Variants in GPC6 observed in about 807,000 individuals in gnomAD.
GPC6 encodes glypican 6.
A neutral mutation model predicts 55.2 loss-of-function variants in GPC6; 14 were observed. That is an observed-to-expected ratio of 0.25 (90% CI 0.17 to 0.40). The LOEUF (loss-of-function observed/expected upper bound fraction) is 0.40, where lower values mean the gene tolerates loss of function less well. Ranked by LOEUF, GPC6 falls within the 10% of genes least tolerant of loss-of-function variation. GPC6 has a pLI of 1.00. For missense variants in GPC6, 641 were observed against 708.5 expected, an observed-to-expected ratio of 0.90 and a Z score of 1.08; for synonymous variants, 278 against 259.6, an observed-to-expected ratio of 1.07 and a Z score of -0.68.
At chr13:94,293,931 G>C (rs139241085) in intron 5 of GPC6, among the ~76,000 whole-genome samples, 20 of 152,278 alleles carry the variant, frequency 1.3e-4, no homozygotes, top group Middle Eastern at 3.4e-3. Flanking sequence ...ACTATATATA[G>C]GGAACCTATT....
At chr13:93,416,858 G>A (rs760315722) in intron 1 of GPC6, among the ~76,000 whole-genome samples, 1 of 152,062 alleles carries the variant, frequency 6.6e-6, no homozygotes, top group Non-Finnish European at 1.5e-5. Flanking sequence ...GATGTCCAGA[G>A]GCTTGACAGC....
At position 94,212,444 on chromosome 13, in the gene GPC6, T is replaced by G. The variant is rs375723882; in HGVS notation, c.878-73905T>G. On this transcript the variant is annotated intron_variant, in intron 4 of 8. Coordinates refer to ENST00000377047, the MANE Select transcript of GPC6 (RefSeq NM_005708.5). ...ATTACATACCACATACAAATATTAT[T>G]ATCATCATTGTTAATTATGTGAAGT... Among the ~76,000 whole-genome samples the G allele has an allele frequency of 9.2e-4, 140 of 152,304 alleles. 1 individual carries two copies. The South Asian group carries it at 0.028, about 31-fold the overall frequency.
chr13:93,644,881 C>T lies in GPC6; in HGVS notation c.319+99460C>T, dbSNP rs569080394. On this transcript the variant is annotated intron_variant, in intron 2 of 8. Coordinates refer to ENST00000377047, the MANE Select transcript of GPC6 (RefSeq NM_005708.5). The stretch of plus-strand genomic sequence containing the variant: ...AATTAAGGAGTCTGGTGCAAAACTT[C>T]GCCAAATGCAGCCATATTCAATGAA... Among the ~76,000 whole-genome samples, 6 of 152,184 alleles carry T rather than the reference C, an allele frequency of 3.9e-5. No individual in the cohort carries two copies. In the East Asian group the frequency reaches 7.7e-4, roughly 20 times the overall value.
chr13:94,172,654 T>C (rs1183293461), intron 4 of GPC6, among the ~76,000 whole-genome samples: 1 of 152,238 alleles, frequency 6.6e-6, no homozygotes, highest in Non-Finnish European at 1.5e-5. Flanking sequence ...AATATTGCTC[T>C]CTGGCTCTTT....
intron 2 of GPC6, among the ~76,000 whole-genome samples, chr13:93,576,565 C>G (rs576025399): frequency 6.6e-6 from 1 of 150,814 alleles, no homozygotes; most frequent in South Asian, 2.1e-4. Context: ...TGTCTTTTCT[C>G]TATCTTGGTT....
chr13:93,630,625 T>G (rs1879386859), intron 2 of GPC6, among the ~76,000 whole-genome samples: 2 of 152,172 alleles, frequency 1.3e-5, no homozygotes. Context: ...TATTAAAAAT[T>G]GACGCTTTTT....
intron 7 of GPC6, among the ~76,000 whole-genome samples, chr13:94,389,212 T>A (rs987578229): frequency 6.6e-6 from 1 of 151,874 alleles, no homozygotes; most frequent in African/African-American, 2.4e-5. Context: ...GGGAAAAAAA[T>A]TAAAGACTCA....
chr13:94,180,989 G>A (rs1888974315), intron 4 of GPC6, among the ~76,000 whole-genome samples: 1 of 152,112 alleles, frequency 6.6e-6, no homozygotes, highest in Non-Finnish European at 1.5e-5. Flanking sequence ...GCTTGCTAAA[G>A]CACAAATTGC....
intron 1 of GPC6, among the ~76,000 whole-genome samples, chr13:93,543,311 T>G (rs1346081843): frequency 1.3e-5 from 2 of 152,214 alleles, no homozygotes; most frequent in Non-Finnish European, 2.9e-5. Context: ...GTTCTGTTTA[T>G]ATGCTGGATT....
intron 3 of GPC6, among the ~76,000 whole-genome samples, chr13:93,872,092 T>G (rs1889148970): frequency 6.6e-6 from 1 of 152,114 alleles, no homozygotes; most frequent in Admixed American, 6.6e-5. Flanking sequence ...TTTTCAAATC[T>G]CTGACATTAT....
rs557369314 is a variant in GPC6 at position 93,625,565 on chromosome 13, C to T, written c.319+80144C>T. 1.5e-4 allele frequency among the ~76,000 whole-genome samples: 23 copies of T among 152,292 alleles called. 1 individual carries two copies. In the South Asian group the frequency reaches 4.8e-3, roughly 32 times the overall value. Reference sequence around the variant, plus strand: ...TAGGCTTGGAGCCTTCTGCGCAGGACAGGGCTCCCATCCTGTCCTTGAAGA... The same window carrying T: ...TAGGCTTGGAGCCTTCTGCGCAGGATAGGGCTCCCATCCTGTCCTTGAAGA... On this transcript the variant is annotated intron_variant, in intron 2 of 8. Transcript: ENST00000377047.
chr13:93,225,599 C>A (rs762660313), upstream of GPC6, among the ~76,000 whole-genome samples: 1 of 151,326 alleles, frequency 6.6e-6, no homozygotes, highest in African/African-American at 2.4e-5. Flanking sequence ...ATTTTTAAAG[C>A]GTTTGGAAAG....
At position 93,723,858 on chromosome 13, in the gene GPC6, A is replaced by G. The variant is rs1006730962; in HGVS notation, c.320-106296A>G. On this transcript the variant is annotated intron_variant, in intron 2 of 8. Coordinates refer to ENST00000377047, the MANE Select transcript of GPC6 (RefSeq NM_005708.5). Reference sequence around the variant, plus strand: ...TGTGTATTTAGTTCAAAAAAATCCTATCAACCTAGTTGTATGTGTTGATAA... The same window carrying G: ...TGTGTATTTAGTTCAAAAAAATCCTGTCAACCTAGTTGTATGTGTTGATAA... 3.3e-5 allele frequency among the ~76,000 whole-genome samples: 5 copies of G among 152,078 alleles called. No individual in the cohort carries two copies. The East Asian group carries it at 5.8e-4, about 18-fold the overall frequency.
chr13:94,175,236 G>A (rs1333033294), intron 4 of GPC6, among the ~76,000 whole-genome samples: 1 of 152,102 alleles, frequency 6.6e-6, no homozygotes, highest in Non-Finnish European at 1.5e-5. Context: ...TAAAGGGTCA[G>A]GTGGTAAATA....
chr13:94,323,592 G>A (rs1403689381), intron 6 of GPC6, among the ~76,000 whole-genome samples: 1 of 152,138 alleles, frequency 6.6e-6, no homozygotes, highest in East Asian at 1.9e-4. Flanking sequence ...GGAAAGGGTA[G>A]GAGGGTGGGA....
intron 6 of GPC6, among the ~76,000 whole-genome samples, chr13:94,315,904 C>T (rs1334134453): frequency 3.3e-5 from 5 of 152,154 alleles, no homozygotes; most frequent in East Asian, 3.9e-4. Context: ...GCTTTGAATG[C>T]GGCCCAACAC....
intron 4 of GPC6, among the ~76,000 whole-genome samples, chr13:94,227,931 G>C (rs1294984225): frequency 6.6e-6 from 1 of 152,136 alleles, no homozygotes; most frequent in African/African-American, 2.4e-5. Flanking sequence ...TTCACTCTCA[G>C]TTCCTCAGTA....
chr13:94,353,224 A>G (rs1878637844), intron 6 of GPC6, among the ~76,000 whole-genome samples: 2 of 152,180 alleles, frequency 1.3e-5, no homozygotes, highest in Non-Finnish European at 2.9e-5. Flanking sequence ...ATGGGAACAC[A>G]CTGTGCATGG....
intron 2 of GPC6, among the ~76,000 whole-genome samples, chr13:93,575,005 A>T (rs1442093171): frequency 6.6e-6 from 1 of 152,152 alleles, no homozygotes; most frequent in African/African-American, 2.4e-5. Context: ...TGAAAAGGTG[A>T]ATTGTTGGCC....
Sources: allele counts gnomAD v4.1 joint callset (sites outside exome capture counted in the v4.1 genomes callset), GRCh38; gene constraint gnomAD v4.1.1; transcripts MANE v1.5; gene names NCBI Gene and HGNC (gene_info 2026-07-23, HGNC 2026-07-21).